The following SYT10 variants were observed in gnomAD, a reference collection of about 807,000 sequenced individuals.
SYT10 encodes synaptotagmin-10.
A neutral mutation model predicts 51.1 loss-of-function variants in SYT10; 31 were observed. The ratio of observed to expected loss-of-function variants is 0.61; its 90% CI spans 0.46 to 0.82. SYT10 has a LOEUF of 0.82. Among genes scored for constraint, SYT10 ranks in the 40% least tolerant of loss-of-function variants. The pLI, the probability that SYT10 is intolerant of heterozygous loss-of-function variation, is 0.00. For missense variants in SYT10, 603 were observed against 634.0 expected, an observed-to-expected ratio of 0.95 and a Z score of 0.53; for synonymous variants, 233 against 225.9, an observed-to-expected ratio of 1.03 and a Z score of -0.28.
intron 1 of SYT10, among the ~76,000 whole-genome samples, chr12:33,428,892 T>G (rs1335925937): frequency 1.5e-5 from 2 of 129,078 alleles, no homozygotes; most frequent in African/African-American, 3.1e-5. Context: ...GGTGACAGAG[T>G]GAGACTCTGC....
intron 1 of SYT10, among the ~76,000 whole-genome samples, chr12:33,427,993 G>C (rs576075220): frequency 6.6e-6 from 1 of 152,318 alleles, no homozygotes; most frequent in African/African-American, 2.4e-5. Context: ...TGACTAAGGA[G>C]AAGATAGAAG....
intron 5 of SYT10, among the ~76,000 whole-genome samples, chr12:33,381,969 A>G (rs1267439120): frequency 6.6e-6 from 1 of 152,190 alleles, no homozygotes; most frequent in Non-Finnish European, 1.5e-5. Context: ...ATGTCCTCTC[A>G]TGCAGCTAGT....
chr12:33,437,745 A>G (rs1303858081), intron 1 of SYT10, among the ~76,000 whole-genome samples: 1 of 152,084 alleles, frequency 6.6e-6, no homozygotes, highest in African/African-American at 2.4e-5. Flanking sequence ...ACGTTTCAGA[A>G]AAGCTTATCT....
intron 2 of SYT10, among the ~76,000 whole-genome samples, chr12:33,411,201 T>C (rs550367371): frequency 6.6e-6 from 1 of 152,310 alleles, no homozygotes; most frequent in South Asian, 2.1e-4. Flanking sequence ...ACTTCAAAAA[T>C]CAATTATTCT....
At chr12:33,378,849 T>G (rs1021485615) in intron 6 of SYT10, among the ~76,000 whole-genome samples, 6 of 142,586 alleles carry the variant, frequency 4.2e-5, no homozygotes, top group Non-Finnish European at 7.8e-5. Flanking sequence ...TGTGTGTGTG[T>G]TTGTAGATGC....
chr12:33,402,121 T>C (rs1446121942), intron 3 of SYT10, among the ~76,000 whole-genome samples: 1 of 152,208 alleles, frequency 6.6e-6, no homozygotes, highest in African/African-American at 2.4e-5. Context: ...CCCACTCTGA[T>C]CCATTGTACA....
At chr12:33,396,873 C>T (rs1866260919) in intron 3 of SYT10, among the ~76,000 whole-genome samples, 1 of 152,052 alleles carries the variant, frequency 6.6e-6, no homozygotes. Flanking sequence ...CTCTTGACCT[C>T]GTGATCCACT....
intron 3 of SYT10, among the ~76,000 whole-genome samples, chr12:33,403,615 T>C (rs1866325479): frequency 6.6e-6 from 1 of 152,190 alleles, no homozygotes; most frequent in African/African-American, 2.4e-5. Context: ...GATTTGCCTC[T>C]GTAGGTTTCC....
At position 33,375,084 on chromosome 12, in the gene SYT10, G is replaced by A. The variant is rs1866051189; in HGVS notation, c.*1746C>T. 1 of 151,776 alleles carries A rather than the reference G, an allele frequency of 6.6e-6. No individual in the cohort carries two copies. Among genetic ancestry groups the A allele is most frequent in the South Asian group, 2.1e-4 (1 of 4,822 alleles). The allele number at this position is 151,776 out of a possible 1,614,324, so 9.4% of individuals were successfully genotyped here. ...TACCTATAGCAAATAATTCTTTTAG[G>A]CTCGACAAGGTAGCCAAATGTTTCC... On this transcript the variant is annotated 3_prime_UTR_variant, in exon 7 of 7. Transcript: ENST00000228567.
intron 3 of SYT10, among the ~76,000 whole-genome samples, chr12:33,401,948 A>T (rs1366355162): frequency 6.6e-6 from 1 of 152,238 alleles, no homozygotes; most frequent in African/African-American, 2.4e-5. Flanking sequence ...GGCAGACATA[A>T]GACAAATACC....
rs1592001879 is a variant in SYT10, at chr12:33,439,702, G to C, written c.-180C>G. 1.3e-5 allele frequency: 9 copies of C among 715,072 alleles called. No individual in the cohort carries two copies. Among genetic ancestry groups the C allele is most frequent in the Non-Finnish European group, 2.0e-5 (9 of 454,702 alleles). The allele number at this position is 715,072 out of a possible 1,614,324, so 44.3% of individuals were successfully genotyped here. ...CCACGTTGGCCCCATGGCGGGAGCG[G>C]AGGGCGTAGGGGAAGGAGAGGCGCG... is the stretch of plus-strand genomic sequence containing the variant. On this transcript the variant is annotated 5_prime_UTR_variant, in exon 1 of 7. Coordinates refer to ENST00000228567, the MANE Select transcript of SYT10 (RefSeq NM_198992.4).
intron 5 of SYT10, among the ~76,000 whole-genome samples, chr12:33,380,353 C>A (rs1866103293): frequency 6.6e-6 from 1 of 152,038 alleles, no homozygotes; most frequent in African/African-American, 2.4e-5. Context: ...TGTTTTATAA[C>A]GATGTTTAGA....
chr12:33,400,139 CT>C (rs1276884103), intron 3 of SYT10, among the ~76,000 whole-genome samples: 1 of 152,118 alleles, frequency 6.6e-6, no homozygotes, highest in African/African-American at 2.4e-5. Context: ...AATTTTGCCA[CT>C]CTTTAAAATG....
At chr12:33,408,337 G>A (rs549755126) in intron 2 of SYT10, 22 of 152,034 alleles carry the variant, frequency 1.4e-4, no homozygotes, top group African/African-American at 4.3e-4. Context: ...AAAAACAAAC[G>A]TAGAATTTTA....
chr12:33,404,802 T>G (rs912801074), intron 3 of SYT10: 4 of 152,220 alleles, frequency 2.6e-5, no homozygotes, highest in African/African-American at 9.7e-5. Flanking sequence ...CTAACCAAAC[T>G]GTAAAATGTT....
In SYT10 at chr12:33,439,643, T is replaced by G; in HGVS notation, c.-121A>C. Reference sequence around the variant, plus strand: ...CGCCCGCGGTGACTTTGGCTGGAGATTGCGCCGCTGAGAGCCGGCAACTCT... The same window carrying G: ...CGCCCGCGGTGACTTTGGCTGGAGAGTGCGCCGCTGAGAGCCGGCAACTCT... On this transcript the variant is annotated 5_prime_UTR_variant, in exon 1 of 7. Transcript: ENST00000228567. 7.2e-6 allele frequency: 9 copies of G among 1,250,970 alleles called. No homozygotes were observed. The highest frequency in any genetic ancestry group is 7.7e-6 in the Non-Finnish European group (7 of 913,258). The allele number at this position is 1,250,970 out of a possible 1,614,324, so 77.5% of individuals were successfully genotyped here.
intron 3 of SYT10, 24 bp downstream of exon 3, chr12:33,406,765 T>C (rs753685463): frequency 1.3e-6 from 2 of 1,548,424 alleles, no homozygotes; most frequent in Non-Finnish European, 1.7e-6. Context: ...TAAAAAACAA[T>C]ATATTGGTGG....
chr12:33,376,847 G>T lies in SYT10; in HGVS notation c.1555C>A (p.Pro519Thr), dbSNP rs201820175. The stretch of plus-strand genomic sequence containing the variant: ...TGGAGGCATTATGGTGTGGAAGGTG[G>T]TTTAGGAGAAGGGCAGGATCCTTGA... Reference protein sequence around the residue: ...DSQGSCPSPKPPSTP With the variant: ...DSQGSCPSPKTPSTP Residue 519 changes from proline (P) to threonine (T), a missense_variant, in exon 7 of 7, where the codon CCA becomes ACA. Pro to Thr is a conservative substitution (Grantham distance 38). Transcript: ENST00000228567. 38 of 1,613,990 alleles carry T rather than the reference G, an allele frequency of 2.4e-5. No individual in the cohort carries two copies. Among genetic ancestry groups the T allele is most frequent in the Non-Finnish European group, 3.1e-5 (37 of 1,179,996 alleles).
intron 2 of SYT10, among the ~76,000 whole-genome samples, chr12:33,417,010 G>T (rs1866459889): frequency 6.6e-6 from 1 of 152,074 alleles, no homozygotes; most frequent in Non-Finnish European, 1.5e-5. Context: ...GCCTGTGGAA[G>T]GTTTCTGCCA....
Sources: allele counts gnomAD v4.1 joint callset (sites outside exome capture counted in the v4.1 genomes callset), GRCh38; gene constraint gnomAD v4.1.1; transcripts MANE v1.5; gene names NCBI Gene and HGNC (gene_info 2026-07-23, HGNC 2026-07-21).